The following CUBN variants were observed in gnomAD, a reference collection of about 807,000 sequenced individuals.
CUBN encodes 460 kDa receptor.
In CUBN, 282 loss-of-function variants were observed where a neutral mutation model predicts 405.3. That is an observed-to-expected ratio of 0.70 (90% CI 0.63 to 0.77). CUBN has a LOEUF of 0.77. Ranked by LOEUF, CUBN falls within the 30% of genes least tolerant of loss-of-function variation. The pLI, the probability that CUBN is intolerant of heterozygous loss-of-function variation, is 0.00. For synonymous variants in CUBN, 1,684 were observed against 1,617.0 expected, an observed-to-expected ratio of 1.04 and a Z score of -0.99; for missense variants, 4,514 against 4,475.2, an observed-to-expected ratio of 1.01 and a Z score of -0.25.
intron 38 of CUBN, among the ~76,000 whole-genome samples, chr10:16,938,559 T>C (rs1035623388): frequency 5.9e-5 from 9 of 152,336 alleles, no homozygotes; most frequent in African/African-American, 1.4e-4. Context: ...GGAACTGATA[T>C]GGTAGCCAAT....
chr10:17,047,661 A>G, intron 22 of CUBN, 58 bp from the exon 23 acceptor site: 1 of 1,418,818 alleles, frequency 7.0e-7, no homozygotes, highest in Non-Finnish European at 9.9e-7. Context: ...TGTTTATAAT[A>G]CATCCAGTAA....
intron 17 of CUBN, among the ~76,000 whole-genome samples, chr10:17,082,941 A>G (rs1367038426): frequency 6.6e-6 from 1 of 152,184 alleles, no homozygotes; most frequent in Non-Finnish European, 1.5e-5. Context: ...CAGTAAGCTG[A>G]CAATGATCAT....
intron 28 of CUBN, among the ~76,000 whole-genome samples, chr10:17,003,426 T>C (rs1462613679): frequency 1.3e-5 from 2 of 152,180 alleles, no homozygotes; most frequent in South Asian, 2.1e-4. Context: ...TAAATCACTT[T>C]CATTGCCAAC....
intron 31 of CUBN, among the ~76,000 whole-genome samples, chr10:16,955,206 T>C (rs1398448678): frequency 6.6e-6 from 1 of 151,260 alleles, no homozygotes; most frequent in Non-Finnish European, 1.5e-5. Flanking sequence ...CCCCCGTCTC[T>C]AATAAAAAAT....
At chr10:16,884,915 T>C (rs1367575674) in intron 56 of CUBN, among the ~76,000 whole-genome samples, 1 of 152,102 alleles carries the variant, frequency 6.6e-6, no homozygotes, top group Non-Finnish European at 1.5e-5. Flanking sequence ...GATCCTGGGC[T>C]CAGAAATGCT....
intron 17 of CUBN, among the ~76,000 whole-genome samples, 154 bp from the exon 18 acceptor site, chr10:17,072,125 AT>A (rs1411949223): frequency 2.6e-5 from 4 of 152,248 alleles, no homozygotes; most frequent in African/African-American, 9.6e-5. Flanking sequence ...GCAGTAGGTC[AT>A]TTTTAAGCAC....
chr10:17,003,119 T>C (rs960796855), intron 28 of CUBN, among the ~76,000 whole-genome samples: 2 of 152,220 alleles, frequency 1.3e-5, no homozygotes, highest in Non-Finnish European at 2.9e-5. Flanking sequence ...TCTCTTAACT[T>C]AAACAGAGCT....
intron 28 of CUBN, among the ~76,000 whole-genome samples, chr10:17,003,290 G>A (rs1833938304): frequency 6.6e-6 from 1 of 152,108 alleles, no homozygotes; most frequent in African/African-American, 2.4e-5. Context: ...CTAGCAGGAA[G>A]CGACACTGTG....
chr10:16,916,818 C>CTTT (rs201355109), intron 45 of CUBN, among the ~76,000 whole-genome samples: 8 of 140,838 alleles, frequency 5.7e-5, no homozygotes, highest in East Asian at 2.1e-4. Flanking sequence ...CTTTTTCTTT[C>CTTT]TTTTTTTTTT....
At chr10:17,086,565 T>A (rs1321025876) in intron 15 of CUBN, among the ~76,000 whole-genome samples, 1 of 152,196 alleles carries the variant, frequency 6.6e-6, no homozygotes, top group Non-Finnish European at 1.5e-5. Context: ...ACTACAATGA[T>A]AATGACGTGA....
intron 21 of CUBN, among the ~76,000 whole-genome samples, chr10:17,067,304 A>G (rs1036157339): frequency 6.6e-6 from 1 of 152,210 alleles, no homozygotes; most frequent in African/African-American, 2.4e-5. Context: ...TAAAGTAGAG[A>G]CATGGACTAC....
chr10:16,888,002 C>T (rs956721360), intron 56 of CUBN, among the ~76,000 whole-genome samples: 2 of 152,126 alleles, frequency 1.3e-5, no homozygotes, highest in African/African-American at 4.8e-5. Flanking sequence ...CATGATCTCA[C>T]TTGGATGTGG....
chr10:16,876,714 G>T (rs914201233), intron 57 of CUBN, among the ~76,000 whole-genome samples, 183 bp downstream of exon 57: 1 of 152,070 alleles, frequency 6.6e-6, no homozygotes, highest in Non-Finnish European at 1.5e-5. Context: ...CCTGAAAAAG[G>T]TCCTCTTCTT....
intron 32 of CUBN, among the ~76,000 whole-genome samples, chr10:16,952,639 T>C (rs1842950825): frequency 6.6e-6 from 1 of 152,242 alleles, no homozygotes; most frequent in Non-Finnish European, 1.5e-5. Context: ...TAAATGTCTA[T>C]GAATTGCCTA....
intron 58 of CUBN, among the ~76,000 whole-genome samples, chr10:16,873,543 G>A (rs2131373123): frequency 6.6e-6 from 1 of 152,168 alleles, no homozygotes; most frequent in East Asian, 1.9e-4. Flanking sequence ...CCAACATGGT[G>A]AAACCCCGTC....
intron 17 of CUBN, among the ~76,000 whole-genome samples, chr10:17,079,742 ACT>A (rs1164171937): frequency 2.6e-5 from 4 of 152,008 alleles, no homozygotes; most frequent in Admixed American, 2.0e-4. Flanking sequence ...CAGCCATGAG[ACT>A]CTGAGCAGCA....
chr10:16,967,499 A>G (rs1843424797), intron 31 of CUBN, among the ~76,000 whole-genome samples: 1 of 152,204 alleles, frequency 6.6e-6, no homozygotes, highest in South Asian at 2.1e-4. Flanking sequence ...TGCAGATTCA[A>G]AGCACTGGCT....
At chr10:16,939,520 T>C (rs890650587) in intron 37 of CUBN, among the ~76,000 whole-genome samples, 4 of 152,220 alleles carry the variant, frequency 2.6e-5, no homozygotes, top group African/African-American at 9.6e-5. Flanking sequence ...GAAAAACTGA[T>C]AGTTTGAAAT....
chr10:17,051,556 C>T (rs1165534658), intron 22 of CUBN, among the ~76,000 whole-genome samples: 1 of 151,620 alleles, frequency 6.6e-6, no homozygotes, highest in South Asian at 2.1e-4. Flanking sequence ...AAGAAAAAGC[C>T]TTAAAAAGTA....
Sources: gnomAD v4.1 joint callset for allele counts (sites outside exome capture counted in the v4.1 genomes callset) on GRCh38, gnomAD v4.1.1 for gene constraint, MANE v1.5 for transcripts, NCBI Gene and HGNC (gene_info 2026-07-23, HGNC 2026-07-21) for gene names.